Variants in IL12A observed in about 807,000 individuals in gnomAD.
IL12A encodes the protein interleukin-12 subunit alpha.
IL12A carries 16 observed loss-of-function variants against 23.5 expected under a neutral mutation model. That is an observed-to-expected ratio of 0.68 (90% confidence interval 0.46 to 1.03). The LOEUF is 1.03. IL12A is among the 50% of genes least tolerant of loss of function. IL12A has a pLI of 0.00. For missense variants in IL12A, 275 were observed against 307.0 expected, an observed-to-expected ratio of 0.90 and a Z score of 0.78; for synonymous variants, 106 against 111.5, an observed-to-expected ratio of 0.95 and a Z score of 0.31.
intron 2 of IL12A, among the ~76,000 whole-genome samples, chr3:159,990,836 G>C (rs1177217905): frequency 6.6e-6 from 1 of 152,170 alleles, no homozygotes; most frequent in Admixed American, 6.5e-5. Flanking sequence ...CTAGGGAAGA[G>C]TTACCTAATT....
chr3:159,989,233 G>C, intron 1 of IL12A, 59 bp downstream of exon 1: 1 of 1,343,824 alleles, frequency 7.4e-7, no homozygotes, highest in South Asian at 1.2e-5. Flanking sequence ...CGGCTGCTTG[G>C]GAAGAGTGGG....
At position 159,993,554 on chromosome 3, in the gene IL12A, A is replaced by AT; in HGVS notation, c.421-8dup. 6.2e-7 allele frequency: 1 copy of AT among 1,613,998 alleles called. No individual in the cohort carries two copies. The highest frequency in any genetic ancestry group is 1.1e-5 in the South Asian group (1 of 91,058). ...GAATTCATATCACTGATGTCTGATT[A>AT]TTTTTTCCTCTAGAATGGGAGTTGC... On this transcript the variant is annotated splice_polypyrimidine_tract_variant and intron_variant, in intron 4 of 6. Coordinates refer to ENST00000305579, the MANE Select transcript of IL12A (RefSeq NM_000882.4).
At position 159,990,329 on chromosome 3, in the gene IL12A, C is replaced by G. The variant is rs2243120; in HGVS notation, c.264+17C>G. Reference sequence around the variant, plus strand: ...CTCCAGAAGGTGAGCCTTTCCTGTCCTCTCCACTGTGGACCTGCACCCTCC... The same window carrying G: ...CTCCAGAAGGTGAGCCTTTCCTGTCGTCTCCACTGTGGACCTGCACCCTCC... On this transcript the variant is annotated intron_variant, in intron 2 of 6. Coordinates refer to ENST00000305579, the MANE Select transcript of IL12A (RefSeq NM_000882.4). The G allele has an allele frequency of 5.9e-4, 955 of 1,613,606 alleles. 4 individuals are homozygous for G. The African/African-American group carries it at 0.011, about 18-fold the overall frequency.
chr3:159,992,571 C>T (rs1485831230), intron 2 of IL12A, among the ~76,000 whole-genome samples: 1 of 152,200 alleles, frequency 6.6e-6, no homozygotes, highest in East Asian at 1.9e-4. Context: ...CTCAGCTTGT[C>T]TTAAGGGTTT....
chr3:159,993,765 A>G lies in IL12A; in HGVS notation c.527A>G (p.Asn176Ser), dbSNP rs1409421151. The G allele has an allele frequency of 6.2e-7, 1 of 1,614,062 alleles. No individual in the cohort carries two copies. Among genetic ancestry groups the G allele is most frequent in the Non-Finnish European group, 8.5e-7 (1 of 1,179,988 alleles). Residue 176 changes from asparagine (N) to serine (S), a missense_variant, in exon 6 of 7, where the codon AAT becomes AGT. Coordinates refer to ENST00000305579, the MANE Select transcript of IL12A (RefSeq NM_000882.4). ...TACCAGGTGGAGTTCAAGACCATGA[A>G]TGCAAAGCTTCTGATGGATCCTAAG...
intron 2 of IL12A, among the ~76,000 whole-genome samples, chr3:159,992,026 A>C (rs914047666): frequency 4.6e-5 from 7 of 152,190 alleles, no homozygotes; most frequent in Non-Finnish European, 8.8e-5. Context: ...ACCGGGTTCC[A>C]GGGATTGGGA....
Position 159,993,452 on chromosome 3 carries a change from A to G in IL12A, c.380A>G (p.Asn127Ser). The G allele has an allele frequency of 6.2e-7, 1 of 1,609,706 alleles. No homozygotes were observed. The highest frequency in any genetic ancestry group is 1.1e-5 in the South Asian group (1 of 90,902). ...TGATATATGATTTTTTCCCTCTAGA[A>G]TGAGAGTTGCCTAAATTCCAGAGAG... The change falls in exon 4 of 7, where the codon AAT becomes AGT. Residue 127 changes from asparagine to serine, a missense_variant and splice_region_variant. By Grantham distance (46) the Asn-to-Ser change is conservative. Transcript: ENST00000305579.
Position 159,994,579 on chromosome 3 carries a change from CGTGTGTGT to C in IL12A, c.606+767_606+774del, listed in dbSNP as rs60659167. 7.5e-3 allele frequency among the ~76,000 whole-genome samples: 1,023 copies of C among 135,732 alleles called. 11 individuals are homozygous for C. Among genetic ancestry groups the C allele is most frequent in the African/African-American group, 0.024 (909 of 38,546 alleles). The allele number at this position is 135,732 out of a possible 152,430, so 89.0% of individuals were successfully genotyped here. A position where few individuals can be genotyped will look rare whatever the true frequency, so the allele number is the denominator to read the frequency against. On this transcript the variant is annotated intron_variant, in intron 6 of 6. Transcript: ENST00000305579. ...GTAATTGTTTTACTTTTATTCTTTT[CGTGTGTGT>C]GTGTGTGTGTGTGTGTGTGTGTGTG...
intron 2 of IL12A, among the ~76,000 whole-genome samples, chr3:159,992,176 A>G (rs1019772557): frequency 1.3e-5 from 2 of 152,054 alleles, no homozygotes; most frequent in Non-Finnish European, 2.9e-5. Context: ...TCCCTCCTCC[A>G]TTGTCGACAC....
In IL12A at chr3:159,995,477, T is replaced by C. The variant is rs1248818001; in HGVS notation, c.680T>C (p.Ile227Thr). ...GAACCGGATTTTTATAAAACTAAAA[T>C]CAAGCTCTGCATACTTCTTCATGCT... The change falls in exon 7 of 7, where the codon ATC (isoleucine) becomes ACC (threonine). Residue 227 changes from isoleucine to threonine, a missense_variant. Physicochemically the swap from Ile to Thr is moderately conservative, Grantham distance 89. Coordinates refer to ENST00000305579, the MANE Select transcript of IL12A (RefSeq NM_000882.4). 6.2e-7 allele frequency: 1 copy of C among 1,607,506 alleles called. No individual in the cohort carries two copies. Among genetic ancestry groups the C allele is most frequent in the Non-Finnish European group, 8.5e-7 (1 of 1,177,312 alleles).
At chr3:159,991,114 A>C (rs893260070) in intron 2 of IL12A, among the ~76,000 whole-genome samples, 6 of 152,106 alleles carry the variant, frequency 3.9e-5, no homozygotes, top group African/African-American at 1.4e-4. Flanking sequence ...ATTGCTCCTC[A>C]CAATTCAATT....
At chr3:159,990,473 T>A in intron 2 of IL12A, 161 bp downstream of exon 2, 1 of 662,166 alleles carries the variant, frequency 1.5e-6, no homozygotes, top group Non-Finnish European at 2.5e-6. Flanking sequence ...GCCCAAGTGT[T>A]AAAGAGTCCT....
At position 159,993,025 on chromosome 3, in the gene IL12A, T is replaced by C; in HGVS notation, c.278T>C (p.Leu93Pro). Residue 93 changes from leucine (L) to proline (P), a missense_variant, in exon 3 of 7, where the codon CTA becomes CCA. Transcript: ENST00000305579. ...CATTTTTTATAGGCCAGACAAACTC[T>C]AGAATTTTACCCTTGCACTTCTGAA... 1 of 1,596,492 alleles carries C rather than the reference T, an allele frequency of 6.3e-7. No homozygotes were observed. The highest frequency in any genetic ancestry group is 8.6e-7 in the Non-Finnish European group (1 of 1,164,424).
chr3:159,989,476 C>G (rs779351514), intron 1 of IL12A, among the ~76,000 whole-genome samples: 2 of 152,204 alleles, frequency 1.3e-5, no homozygotes, highest in Non-Finnish European at 2.9e-5. Context: ...AAGGCAGATC[C>G]TAGCCAGTTC....
intron 2 of IL12A, among the ~76,000 whole-genome samples, chr3:159,991,818 AC>A (rs1297503007): frequency 2.6e-5 from 4 of 152,074 alleles, no homozygotes; most frequent in African/African-American, 7.2e-5. Context: ...CATTGTCCAT[AC>A]CAGCAATGTC....
In IL12A at chr3:159,993,000, C is replaced by T. The variant is rs1720369832; in HGVS notation, c.265-12C>T. 1.3e-6 allele frequency: 2 copies of T among 1,492,506 alleles called. No homozygotes were observed. Among genetic ancestry groups the T allele is most frequent in the Admixed American group, 1.7e-5 (1 of 59,236 alleles). The allele number at this position is 1,492,506 out of a possible 1,614,324, so 92.5% of individuals were successfully genotyped here. On this transcript the variant is annotated splice_polypyrimidine_tract_variant and intron_variant, in intron 2 of 6. Coordinates refer to ENST00000305579, the MANE Select transcript of IL12A (RefSeq NM_000882.4). ...AATGTTATAAACTGAGTTTCTCCTT[C>T]ATTTTTTATAGGCCAGACAAACTCT...
At chr3:159,990,347 C>T (rs1185690311) in intron 2 of IL12A, 35 bp downstream of exon 2, 2 of 1,603,650 alleles carry the variant, frequency 1.2e-6, no homozygotes, top group Admixed American at 1.7e-5. Flanking sequence ...TGTGGACCTG[C>T]ACCCTCCCTG....
rs1475201514 is a variant in IL12A, at chr3:159,993,069, A to G, written c.322A>G (p.Ile108Val). ...TTCTGAAGAGATTGATCATGAAGAT[A>G]TCACAAAAGATAAAACCAGCACAGT... is the stretch of plus-strand genomic sequence containing the variant. Residue 108 changes from isoleucine to valine, a missense_variant, in exon 3 of 7, where the codon ATC becomes GTC. Transcript: ENST00000305579. 3.7e-6 allele frequency: 6 copies of G among 1,611,032 alleles called. No individual in the cohort carries two copies. The East Asian group carries it at 6.7e-5, about 18-fold the overall frequency.
At chr3:159,989,208 T>TCGGGTG (rs753412819) in intron 1 of IL12A, 34 bp downstream of exon 1, 13 of 1,568,696 alleles carry the variant, frequency 8.3e-6, no homozygotes, top group Non-Finnish European at 1.0e-5. Context: ...TTTGGCTCGC[T>TCGGGTG]CGGGTGCGGA....
Sources: gnomAD v4.1 joint callset for allele counts (sites outside exome capture counted in the v4.1 genomes callset) on GRCh38, gnomAD v4.1.1 for gene constraint, MANE v1.5 for transcripts, NCBI Gene and HGNC (gene_info 2026-07-23, HGNC 2026-07-21) for gene names.